Variants in C1orf21 observed in about 807,000 individuals in gnomAD.
C1orf21 encodes the protein uncharacterized protein C1orf21.
C1orf21 carries 3 observed loss-of-function variants against 18.7 expected under a neutral mutation model. The ratio of observed to expected loss-of-function variants is 0.16; its 90% CI spans 0.07 to 0.42. The LOEUF (loss-of-function observed/expected upper bound fraction) is 0.42. Among genes scored for constraint, C1orf21 ranks in the 10% least tolerant of loss-of-function variants. The probability of loss-of-function intolerance (pLI) is 0.99; values close to 1 mark genes in which losing one functional copy is unlikely to be tolerated. For synonymous variants in C1orf21, 41 were observed against 46.4 expected (o/e 0.88, Z 0.47); for missense variants, 104 against 143.6 (o/e 0.72, Z 1.41).
At chr1:184,520,373 T>G (rs895356678) in intron 3 of C1orf21, among the ~76,000 whole-genome samples, 3 of 152,092 alleles carry the variant, frequency 2.0e-5, no homozygotes, top group Non-Finnish European at 4.4e-5. Context: ...ATCTGGTGAG[T>G]GGAACTGGAA....
In C1orf21 at chr1:184,569,778, T is replaced by C. The variant is rs146506231; in HGVS notation, c.190-20961T>C. Reference sequence around the variant, plus strand: ...GACAGGGTGGTACTATTTTGAAGATTGGGGCCAGGGATGTCAGAACAGTGA... The same window carrying C: ...GACAGGGTGGTACTATTTTGAAGATCGGGGCCAGGGATGTCAGAACAGTGA... On this transcript the variant is annotated intron_variant, in intron 3 of 5. Coordinates refer to ENST00000235307, the MANE Select transcript of C1orf21 (RefSeq NM_030806.4). 7.5e-3 allele frequency among the ~76,000 whole-genome samples: 1,143 copies of C among 152,278 alleles called. 6 individuals carry two copies. The highest frequency in any genetic ancestry group is 0.02 in the Middle Eastern group (6 of 294).
chr1:184,576,742 T>A (rs1205942444), intron 3 of C1orf21, among the ~76,000 whole-genome samples: 2 of 152,260 alleles, frequency 1.3e-5, no homozygotes, highest in Non-Finnish European at 2.9e-5. Flanking sequence ...TTCTCATGGG[T>A]ACTGCTGCCC....
chr1:184,503,917 G>A (rs1485655238), intron 2 of C1orf21, among the ~76,000 whole-genome samples: 1 of 152,152 alleles, frequency 6.6e-6, no homozygotes. Context: ...ACATGTTCAA[G>A]GGAGAAGCAG....
chr1:184,426,542 C>T (rs892486741), intron 1 of C1orf21, among the ~76,000 whole-genome samples: 2 of 152,160 alleles, frequency 1.3e-5, no homozygotes, highest in African/African-American at 4.8e-5. Context: ...CCTGCATCTC[C>T]CTGCCTGTGG....
At chr1:184,467,658 G>A (rs1395394986) in intron 1 of C1orf21, among the ~76,000 whole-genome samples, 1 of 152,182 alleles carries the variant, frequency 6.6e-6, no homozygotes, top group Non-Finnish European at 1.5e-5. Flanking sequence ...CCTCTCATCT[G>A]TCTTGACCAT....
At chr1:184,450,460 A>G (rs946212979) in intron 1 of C1orf21, among the ~76,000 whole-genome samples, 9 of 152,216 alleles carry the variant, frequency 5.9e-5, no homozygotes, top group Non-Finnish European at 1.2e-4. Context: ...ATGAATGTCA[A>G]CAATGCTTTT....
At chr1:184,498,431 A>G (rs1657925932) in intron 2 of C1orf21, among the ~76,000 whole-genome samples, 2 of 152,204 alleles carry the variant, frequency 1.3e-5, no homozygotes, top group South Asian at 4.1e-4. Context: ...TTAAATGTTC[A>G]GAAGGCAGTC....
At chr1:184,439,808 C>G (rs564742269) in intron 1 of C1orf21, among the ~76,000 whole-genome samples, 29 of 152,182 alleles carry the variant, frequency 1.9e-4, no homozygotes, top group Non-Finnish European at 3.5e-4. Flanking sequence ...AAAACCAAAA[C>G]CATTATGGGC....
In C1orf21 at chr1:184,423,857, T is replaced by TTGTC. The variant is rs1317386840; in HGVS notation, c.-125+36489_-125+36490insTGTC. 3.0e-4 allele frequency among the ~76,000 whole-genome samples: 39 copies of TTGTC among 130,118 alleles called. 1 individual carries two copies. The highest frequency in any genetic ancestry group is 2.1e-3 in the Admixed American group (27 of 12,904). 85.4% of individuals were successfully genotyped at this position (130,118 alleles called of 152,430 possible). On this transcript the variant is annotated intron_variant, in intron 1 of 5. Transcript: ENST00000235307. The stretch of plus-strand genomic sequence containing the variant: ...ATCCCTCCACTCATCCATCCACCCA[T>TTGTC]CGTCCATCCATCCATCCATCCATCC...
chr1:184,576,380 C>T (rs550894635), intron 3 of C1orf21, among the ~76,000 whole-genome samples: 1 of 152,352 alleles, frequency 6.6e-6, no homozygotes, highest in East Asian at 1.9e-4. Flanking sequence ...CCACCTGGGC[C>T]TTCCAAAGTG....
chr1:184,582,397 T>TAC (rs139420131), intron 3 of C1orf21, among the ~76,000 whole-genome samples: 20 of 152,368 alleles, frequency 1.3e-4, no homozygotes, highest in Admixed American at 5.2e-4. Flanking sequence ...TGTGCAAATG[T>TAC]ACACACACAC....
intron 3 of C1orf21, among the ~76,000 whole-genome samples, chr1:184,512,745 C>A (rs1416034746): frequency 2.6e-5 from 4 of 152,244 alleles, no homozygotes; most frequent in African/African-American, 9.6e-5. Context: ...CATCTGGAAC[C>A]TGGAGAATCA....
At chr1:184,479,425 T>G (rs1657619136) in intron 2 of C1orf21, among the ~76,000 whole-genome samples, 1 of 152,206 alleles carries the variant, frequency 6.6e-6, no homozygotes, top group Non-Finnish European at 1.5e-5. Context: ...ATTTTTATGT[T>G]GAATTTTCAC....
intron 5 of C1orf21, among the ~76,000 whole-genome samples, chr1:184,603,036 GA>G (rs1659605465): frequency 6.6e-6 from 1 of 152,210 alleles, no homozygotes; most frequent in African/African-American, 2.4e-5. Flanking sequence ...CTCTCCCTAT[GA>G]AAATGCACAA....
At chr1:184,526,434 A>G (rs1324953297) in intron 3 of C1orf21, among the ~76,000 whole-genome samples, 2 of 152,160 alleles carry the variant, frequency 1.3e-5, no homozygotes. Context: ...CATCCCCAGC[A>G]TTTTATTCTT....
chr1:184,468,621 T>A (rs1286381939), intron 1 of C1orf21, among the ~76,000 whole-genome samples: 1 of 152,168 alleles, frequency 6.6e-6, no homozygotes, highest in African/African-American at 2.4e-5. Flanking sequence ...TTTTTGTTTT[T>A]AAAAAAACGA....
intron 1 of C1orf21, among the ~76,000 whole-genome samples, chr1:184,427,778 G>A (rs570074652): frequency 6.6e-6 from 1 of 152,076 alleles, no homozygotes; most frequent in African/African-American, 2.4e-5. Context: ...CATCGGCCTT[G>A]CTTGGAAAAA....
At chr1:184,519,763 G>T (rs1480274041) in intron 3 of C1orf21, among the ~76,000 whole-genome samples, 1 of 152,194 alleles carries the variant, frequency 6.6e-6, no homozygotes, top group Non-Finnish European at 1.5e-5. Flanking sequence ...TGCCTTGGAG[G>T]TGAGAGTATC....
At chr1:184,526,122 A>G (rs1377777993) in intron 3 of C1orf21, among the ~76,000 whole-genome samples, 2 of 152,212 alleles carry the variant, frequency 1.3e-5, no homozygotes, top group Non-Finnish European at 2.9e-5. Flanking sequence ...TGAGTTAACC[A>G]TATTGTCCAA....
Sources: allele counts gnomAD v4.1 joint callset (sites outside exome capture counted in the v4.1 genomes callset), GRCh38; gene constraint gnomAD v4.1.1; transcripts MANE v1.5; gene names NCBI Gene and HGNC (gene_info 2026-07-23, HGNC 2026-07-21).